SPATA6: variants seen among roughly 807,000 people sequenced by gnomAD.
SPATA6 encodes the protein spermatogenesis-associated protein 6.
In SPATA6, 56 loss-of-function variants were observed where a neutral mutation model predicts 65.3. The ratio of observed to expected loss-of-function variants is 0.86; its 90% CI spans 0.69 to 1.07. The LOEUF (loss-of-function observed/expected upper bound fraction) is 1.07. Among genes scored for constraint, SPATA6 ranks in the 50% least tolerant of loss-of-function variants. SPATA6 has a pLI of 0.00. For missense variants in SPATA6, 590 were observed against 594.8 expected (o/e 0.99, Z 0.08); for synonymous variants, 199 against 213.2 (o/e 0.93, Z 0.58).
At position 48,412,460 on chromosome 1, in the gene SPATA6, T is replaced by A. The variant is rs141184982; in HGVS notation, c.280+650A>T. Among the ~76,000 whole-genome samples, 692 of 152,318 alleles carry A rather than the reference T, an allele frequency of 4.5e-3. 4 individuals are homozygous for A. The highest frequency in any genetic ancestry group is 0.015 in the African/African-American group (618 of 41,568). On this transcript the variant is annotated intron_variant, in intron 4 of 12. Transcript: ENST00000371847. ...AAAATATTTTAGAATGATAAGTTAG[T>A]TTCCATTTTCAATTATTACTATTCA...
rs756605698 is a variant in SPATA6 at position 48,395,342 on chromosome 1, T to G, written c.793A>C (p.Ser265Arg). 6.4e-7 allele frequency: 1 copy of G among 1,556,084 alleles called. No individual in the cohort carries two copies. ...CCCAATAAAGTATCAGCCCTGGGACTTGGGGGATCAACCTAGAGGAAGCAG... is the reference window on the plus strand; with the variant it reads ...CCCAATAAAGTATCAGCCCTGGGACGTGGGGGATCAACCTAGAGGAAGCAG... ...PFVIRHVDPP[S>R]PRADTLLGSS... The change falls in exon 8 of 13, where the codon AGT (serine) becomes CGT (arginine). Residue 265 changes from serine to arginine, a missense_variant. Ser to Arg is a moderately radical substitution (Grantham distance 110, BLOSUM62 -1). Transcript: ENST00000371847.
chr1:48,291,676 A>G (rs1477445189), downstream of SPATA6, among the ~76,000 whole-genome samples: 1 of 152,180 alleles, frequency 6.6e-6, no homozygotes, highest in African/African-American at 2.4e-5. Flanking sequence ...CAAGCATCCC[A>G]GCTGAGAAAG....
intron 8 of SPATA6, chr1:48,393,385 C>T (rs1379062324): frequency 2.6e-5 from 4 of 151,990 alleles, no homozygotes; most frequent in African/African-American, 9.7e-5. Context: ...AAATAGCTGG[C>T]TTATGCACTT....
intron 11 of SPATA6, among the ~76,000 whole-genome samples, chr1:48,353,200 T>C (rs1022529269): frequency 7.3e-5 from 11 of 151,720 alleles, no homozygotes; most frequent in Non-Finnish European, 1.5e-4. Flanking sequence ...TGCCTGATAA[T>C]AGATAAGCAA....
At chr1:48,353,826 A>G (rs1040921089) in intron 11 of SPATA6, among the ~76,000 whole-genome samples, 32 of 152,180 alleles carry the variant, frequency 2.1e-4, no homozygotes, top group African/African-American at 7.2e-4. Flanking sequence ...TTTAGAAGAC[A>G]TAGGAGAAAG....
At chr1:48,411,701 G>T in intron 4 of SPATA6, 113 bp from the exon 5 acceptor site, 2 of 914,814 alleles carry the variant, frequency 2.2e-6, no homozygotes, top group Non-Finnish European at 2.9e-6. Flanking sequence ...ACCTGTTTTG[G>T]GTCATGTTTA....
intron 11 of SPATA6, among the ~76,000 whole-genome samples, chr1:48,311,915 G>A (rs780519133): frequency 2.0e-5 from 3 of 152,236 alleles, no homozygotes; most frequent in Non-Finnish European, 2.9e-5. Flanking sequence ...CACACCAGGA[G>A]ATTGTATCCC....
intron 9 of SPATA6, among the ~76,000 whole-genome samples, chr1:48,381,395 G>C (rs1394044913): frequency 6.6e-6 from 1 of 152,110 alleles, no homozygotes; most frequent in Non-Finnish European, 1.5e-5. Context: ...CAATTTAGTA[G>C]GCTTAGAATA....
chr1:48,289,171 A>G, the SPATA6 span, among the ~76,000 whole-genome samples: 1 of 152,232 alleles, frequency 6.6e-6, no homozygotes, highest in Non-Finnish European at 1.5e-5. Context: ...TCAGACAGCA[A>G]CATTTGCTGT....
chr1:48,304,302 A>G (rs75867827), intron 12 of SPATA6, among the ~76,000 whole-genome samples: 1 of 152,316 alleles, frequency 6.6e-6, no homozygotes, highest in East Asian at 1.9e-4. Flanking sequence ...GTGTAAGCAG[A>G]ACTTTTCTGA....
Position 48,325,343 on chromosome 1 carries a change from T to C in SPATA6, c.1195-19465A>G. On this transcript the variant is annotated intron_variant, in intron 11 of 12. Coordinates refer to ENST00000371847, the MANE Select transcript of SPATA6 (RefSeq NM_019073.4). Reference sequence around the variant, plus strand: ...TAGGGCACAGGCCCCCGTAGAGTCCTCCCCTGAAGGCAAAGTTCTGCATGC... The same window carrying C: ...TAGGGCACAGGCCCCCGTAGAGTCCCCCCCTGAAGGCAAAGTTCTGCATGC... The C allele has an allele frequency of 4.5e-6, 6 of 1,330,086 alleles. No individual in the cohort carries two copies. In the South Asian group the frequency reaches 7.3e-5, roughly 16 times the overall value. The allele number at this position is 1,330,086 out of a possible 1,614,324, so 82.4% of individuals were successfully genotyped here.
At position 48,305,838 on chromosome 1, in the gene SPATA6, T is replaced by C. The variant is rs1645048087; in HGVS notation, c.1235A>G (p.Lys412Arg). 6 of 1,612,408 alleles carry C rather than the reference T, an allele frequency of 3.7e-6. No homozygotes were observed. The highest frequency in any genetic ancestry group is 5.1e-6 in the Non-Finnish European group (6 of 1,178,938). Residue 412 changes from lysine (K) to arginine (R), a missense_variant, in exon 12 of 13, where the codon AAA becomes AGA. Lys to Arg is a conservative substitution (Grantham distance 26, BLOSUM62 2). Coordinates refer to ENST00000371847, the MANE Select transcript of SPATA6 (RefSeq NM_019073.4). ...AGAGTCTCTACATAAAAGACTTCTT[T>C]TCAGTTCCAGTTCATCATCTTTCTC... ...DLEKDDELEL[K>R]RSLLCRDSAY...
At chr1:48,265,913 T>C in the SPATA6 span, among the ~76,000 whole-genome samples, 2 of 152,244 alleles carry the variant, frequency 1.3e-5, no homozygotes, top group Admixed American at 6.5e-5. Flanking sequence ...TCAGATATTC[T>C]AGTTCTGAAT....
At chr1:48,302,339 G>C (rs1390459243) in intron 12 of SPATA6, among the ~76,000 whole-genome samples, 2 of 152,128 alleles carry the variant, frequency 1.3e-5, no homozygotes, top group Non-Finnish European at 2.9e-5. Context: ...CTAACCAACA[G>C]GTATTTTTTC....
intron 1 of SPATA6, among the ~76,000 whole-genome samples, chr1:48,469,472 T>TTATA (rs59371419): frequency 5.5e-4 from 80 of 144,460 alleles, no homozygotes; most frequent in East Asian, 2.0e-3. Context: ...AAATATCTAT[T>TTATA]TATATATATA....
the SPATA6 span, among the ~76,000 whole-genome samples, chr1:48,275,350 G>T: frequency 9.3e-4 from 141 of 152,234 alleles, 1 homozygote; most frequent in African/African-American, 3.3e-3. Context: ...TTGCCTGATT[G>T]CCCTGGCCAG....
chr1:48,280,441 C>A, the SPATA6 span, among the ~76,000 whole-genome samples: 1 of 151,548 alleles, frequency 6.6e-6, no homozygotes, highest in Non-Finnish European at 1.5e-5. Context: ...GCTAGCAAGA[C>A]TAATAAAGAA....
chr1:48,359,515 T>A (rs746711338), intron 10 of SPATA6, 71 bp downstream of exon 10: 33 of 1,490,126 alleles, frequency 2.2e-5, no homozygotes, highest in Non-Finnish European at 2.9e-5. Flanking sequence ...TTCACATGCA[T>A]AATTGCTGCT....
intron 11 of SPATA6, among the ~76,000 whole-genome samples, chr1:48,330,135 G>T (rs76431504): frequency 0.017 from 2,662 of 152,306 alleles, 74 homozygotes; most frequent in African/African-American, 0.061. Context: ...CCGTACTTTG[G>T]TTCAAACTTG....
Sources: allele counts gnomAD v4.1 joint callset (sites outside exome capture counted in the v4.1 genomes callset), GRCh38; gene constraint gnomAD v4.1.1; transcripts MANE v1.5; gene names NCBI Gene and HGNC (gene_info 2026-07-23, HGNC 2026-07-21).